Variants in RNF150 observed in about 807,000 individuals in gnomAD.
The protein encoded by RNF150 is ring finger protein 150.
A neutral mutation model predicts 39.3 loss-of-function variants in RNF150; 24 were observed. The observed-to-expected ratio is 0.61, with a 90% CI of 0.44 to 0.86. The LOEUF (loss-of-function observed/expected upper bound fraction) is 0.86. RNF150 is among the 40% of genes least tolerant of loss of function. The pLI is 0.00. For synonymous variants in RNF150, 255 were observed against 227.3 expected (o/e 1.12, Z -1.10); for missense variants, 502 against 587.8 (o/e 0.85, Z 1.51).
rs10527652 is a variant in RNF150, at chr4:141,019,033, AATATATATATAT to A, written c.485-51172_485-51161del. Among the ~76,000 whole-genome samples the A allele has an allele frequency of 2.1e-3, 265 of 126,392 alleles. 3 individuals are homozygous for A. Among genetic ancestry groups the A allele is most frequent in the African/African-American group, 4.9e-3 (158 of 32,372 alleles). 82.9% of individuals were successfully genotyped at this position (126,392 alleles called of 152,430 possible). On this transcript the variant is annotated intron_variant, in intron 1 of 6. Coordinates refer to ENST00000515673, the MANE Select transcript of RNF150 (RefSeq NM_020724.2). ...TTTGAAGGCAATCTTACTGCAAAGA[AATATATATATAT>A]ATATATATATATATATATATATATA...
intron 1 of RNF150, among the ~76,000 whole-genome samples, chr4:141,193,763 A>G (rs1427403073): frequency 6.6e-6 from 1 of 152,204 alleles, no homozygotes; most frequent in Non-Finnish European, 1.5e-5. Context: ...TTCCAGAAGG[A>G]CACAGAGATG....
At chr4:141,069,974 G>A (rs993624508) in intron 1 of RNF150, among the ~76,000 whole-genome samples, 67 of 151,688 alleles carry the variant, frequency 4.4e-4, no homozygotes, top group Admixed American at 9.9e-4. Flanking sequence ...TCTTGCTAGC[G>A]GTCTATCAAT....
intron 1 of RNF150, among the ~76,000 whole-genome samples, chr4:141,061,849 T>A (rs1217277209): frequency 6.6e-6 from 1 of 152,142 alleles, no homozygotes; most frequent in Non-Finnish European, 1.5e-5. Flanking sequence ...CACAAAAGGA[T>A]CTGAATTAAG....
At chr4:141,050,989 C>A (rs146151016) in intron 1 of RNF150, among the ~76,000 whole-genome samples, 5,044 of 152,258 alleles carry the variant, frequency 0.033, 200 homozygotes, top group East Asian at 0.22. Flanking sequence ...TCTGCCTGGG[C>A]ATCCAGGTGT....
At chr4:140,939,616 G>A (rs1384061556) in intron 4 of RNF150, among the ~76,000 whole-genome samples, 1 of 3,566 alleles carries the variant, frequency 2.8e-4, no homozygotes, top group Non-Finnish European at 9.0e-4. Context: ...TTGTGTGTGT[G>A]TGTGTGTGTG....
intron 2 of RNF150, among the ~76,000 whole-genome samples, chr4:140,951,422 T>C (rs1732533969): frequency 6.6e-6 from 1 of 152,170 alleles, no homozygotes; most frequent in Admixed American, 6.5e-5. Flanking sequence ...TGAAAACACA[T>C]GTGTGCGCAT....
intron 1 of RNF150, among the ~76,000 whole-genome samples, chr4:141,044,246 C>A (rs934232851): frequency 9.2e-5 from 14 of 152,208 alleles, no homozygotes; most frequent in African/African-American, 3.4e-4. Flanking sequence ...AAATGCAAAT[C>A]TTTTAATTAA....
intron 3 of RNF150, 21 bp from the exon 4 acceptor site, chr4:140,947,757 A>G: frequency 6.6e-7 from 1 of 1,524,184 alleles, no homozygotes; most frequent in East Asian, 2.4e-5. Flanking sequence ...GGAAGCACAG[A>G]TGAGCCTATT....
At chr4:141,195,133 C>T (rs1728181319) in intron 1 of RNF150, among the ~76,000 whole-genome samples, 1 of 151,970 alleles carries the variant, frequency 6.6e-6, no homozygotes, top group South Asian at 2.1e-4. Context: ...CACACCTGTG[C>T]ACAAGCATAA....
chr4:141,048,458 C>A (rs1736662173), intron 1 of RNF150, among the ~76,000 whole-genome samples: 1 of 152,082 alleles, frequency 6.6e-6, no homozygotes, highest in South Asian at 2.1e-4. Flanking sequence ...AGCCTGGGTG[C>A]AGTGGTTCAT....
intron 5 of RNF150, among the ~76,000 whole-genome samples, chr4:140,913,483 G>C (rs1165733676): frequency 6.6e-6 from 1 of 152,104 alleles, no homozygotes; most frequent in African/African-American, 2.4e-5. Context: ...GATGACATTT[G>C]ATCCAATCAC....
chr4:141,099,767 C>T (rs1269064413), intron 1 of RNF150, among the ~76,000 whole-genome samples: 1 of 151,642 alleles, frequency 6.6e-6, no homozygotes, highest in African/African-American at 2.4e-5. Context: ...TGGGATGGCC[C>T]CTCAAAACAT....
intron 4 of RNF150, among the ~76,000 whole-genome samples, chr4:140,926,700 C>T (rs1243759780): frequency 1.3e-4 from 20 of 152,188 alleles, no homozygotes; most frequent in Admixed American, 1.3e-3. Flanking sequence ...CCAATCATTA[C>T]TAGCTTTTAT....
chr4:141,022,899 C>T (rs145416463), intron 1 of RNF150, among the ~76,000 whole-genome samples: 11 of 152,240 alleles, frequency 7.2e-5, no homozygotes, highest in Non-Finnish European at 1.2e-4. Context: ...AAACTCATTT[C>T]CCCCAACTAC....
chr4:141,045,394 T>C (rs1292725679), intron 1 of RNF150, among the ~76,000 whole-genome samples: 1 of 152,208 alleles, frequency 6.6e-6, no homozygotes, highest in Admixed American at 6.5e-5. Context: ...CACTCTGCTG[T>C]GGAAAATAAG....
chr4:141,170,351 G>T (rs1029808656), intron 1 of RNF150, among the ~76,000 whole-genome samples: 1 of 152,130 alleles, frequency 6.6e-6, no homozygotes, highest in Non-Finnish European at 1.5e-5. Flanking sequence ...ACCTGTAGAT[G>T]ATTTTTTATT....
chr4:141,193,785 T>C (rs1435130), intron 1 of RNF150, among the ~76,000 whole-genome samples: 143,152 of 152,242 alleles, frequency 0.94, 67,939 homozygotes, highest in East Asian at 1. Context: ...TTAGCAAGCG[T>C]CCTGCAGAAG....
intron 1 of RNF150, among the ~76,000 whole-genome samples, chr4:140,980,841 T>C (rs190137232): frequency 3.3e-5 from 5 of 152,282 alleles, no homozygotes; most frequent in Admixed American, 1.3e-4. Flanking sequence ...TTATAGAGCA[T>C]GAGAACAGAC....
chr4:141,046,588 C>T (rs1013374467), intron 1 of RNF150, among the ~76,000 whole-genome samples: 1 of 152,180 alleles, frequency 6.6e-6, no homozygotes, highest in Non-Finnish European at 1.5e-5. Context: ...CCTTTTCAAA[C>T]TGCTGATTAC....
Sources: gnomAD v4.1 joint callset for allele counts (sites outside exome capture counted in the v4.1 genomes callset) on GRCh38, gnomAD v4.1.1 for gene constraint, MANE v1.5 for transcripts, NCBI Gene and HGNC (gene_info 2026-07-23, HGNC 2026-07-21) for gene names.